RAB28: variants seen among roughly 807,000 people sequenced by gnomAD.
RAB28 encodes RAB28, member RAS oncogene family.
Under a neutral mutation model 31.7 loss-of-function variants are expected in RAB28, and 24 were observed. That is an observed-to-expected ratio of 0.76 (90% CI 0.55 to 1.06). The LOEUF (loss-of-function observed/expected upper bound fraction) is 1.06, where lower values mean the gene tolerates loss of function less well. Ranked by LOEUF, RAB28 falls within the 50% of genes least tolerant of loss-of-function variation. The pLI is 0.00. For synonymous variants in RAB28, 100 were observed against 90.4 expected (o/e 1.11, Z -0.60); for missense variants, 254 against 258.5 (o/e 0.98, Z 0.12).
chr4:13,392,416 T>C (rs959951705), intron 4 of RAB28, among the ~76,000 whole-genome samples: 4 of 152,208 alleles, frequency 2.6e-5, no homozygotes, highest in Non-Finnish European at 5.9e-5. Flanking sequence ...AGATGATAGA[T>C]TATATACAAG....
At chr4:13,414,519 T>C (rs1029962369) in intron 4 of RAB28, among the ~76,000 whole-genome samples, 2 of 152,238 alleles carry the variant, frequency 1.3e-5, no homozygotes, top group Non-Finnish European at 2.9e-5. Flanking sequence ...AAATAAGTTA[T>C]ACCATACCTT....
chr4:13,408,461 G>T (rs1712229936), intron 4 of RAB28, among the ~76,000 whole-genome samples: 1 of 152,128 alleles, frequency 6.6e-6, no homozygotes. Flanking sequence ...AGGGATATTG[G>T]CTTGAAATTT....
At chr4:13,396,157 ACTGT>A (rs1449123505) in intron 4 of RAB28, among the ~76,000 whole-genome samples, 1 of 152,050 alleles carries the variant, frequency 6.6e-6, no homozygotes, top group Non-Finnish European at 1.5e-5. Context: ...AAAAAATGTC[ACTGT>A]CTAACTTAAA....
At chr4:13,477,647 T>TA (rs60423648) in intron 2 of RAB28, among the ~76,000 whole-genome samples, 385 of 148,052 alleles carry the variant, frequency 2.6e-3, no homozygotes, top group Admixed American at 4.4e-3. Context: ...CCAACTGCCT[T>TA]AAAAAAAAAA....
At chr4:13,454,833 A>G (rs1715208894) in intron 4 of RAB28, among the ~76,000 whole-genome samples, 1 of 152,082 alleles carries the variant, frequency 6.6e-6, no homozygotes, top group African/African-American at 2.4e-5. Flanking sequence ...GACTGTTTCT[A>G]AGGTCCAGTA....
chr4:13,471,369 A>T (rs1212458056), intron 3 of RAB28, among the ~76,000 whole-genome samples: 1 of 152,144 alleles, frequency 6.6e-6, no homozygotes, highest in Non-Finnish European at 1.5e-5. Context: ...AATGAGTCAC[A>T]GCTTCTCTAG....
chr4:13,400,544 T>A (rs1363007783), intron 4 of RAB28, among the ~76,000 whole-genome samples: 1 of 152,134 alleles, frequency 6.6e-6, no homozygotes, highest in Admixed American at 6.5e-5. Flanking sequence ...TTTGTATGTT[T>A]TATATACCTT....
intron 4 of RAB28, among the ~76,000 whole-genome samples, chr4:13,424,427 C>T (rs1337775166): frequency 6.6e-6 from 1 of 152,188 alleles, no homozygotes. Flanking sequence ...GTGTCTGGGT[C>T]TCAGCCAAAA....
At chr4:13,372,636 A>G (rs1728760394) in intron 6 of RAB28, among the ~76,000 whole-genome samples, 1 of 152,126 alleles carries the variant, frequency 6.6e-6, no homozygotes, top group Non-Finnish European at 1.5e-5. Context: ...CCCCCTCAAG[A>G]AAACAAGTGG....
chr4:13,431,761 T>C (rs1713817366), intron 4 of RAB28, among the ~76,000 whole-genome samples: 1 of 151,618 alleles, frequency 6.6e-6, no homozygotes, highest in South Asian at 2.1e-4. Context: ...ACTACAGTAA[T>C]ACCCTCAAGG....
intron 4 of RAB28, among the ~76,000 whole-genome samples, chr4:13,384,706 A>G (rs904306107): frequency 2.0e-5 from 3 of 152,290 alleles, no homozygotes; most frequent in Middle Eastern, 3.4e-3. Flanking sequence ...TAAAAGAAAA[A>G]AAGTCCAAAG....
intron 6 of RAB28, chr4:13,371,553 GA>G: frequency 2.0e-6 from 2 of 984,884 alleles, no homozygotes; most frequent in Non-Finnish European, 2.4e-6. Context: ...TCAAATTAAT[GA>G]AGAATTAACA....
At chr4:13,458,671 C>T (rs1715433970) in intron 4 of RAB28, among the ~76,000 whole-genome samples, 2 of 152,066 alleles carry the variant, frequency 1.3e-5, no homozygotes, top group Admixed American at 6.5e-5. Flanking sequence ...GATGGTGGTC[C>T]CATAAGATTA....
At chr4:13,476,303 T>G (rs28451763) in intron 2 of RAB28, among the ~76,000 whole-genome samples, 1 of 151,488 alleles carries the variant, frequency 6.6e-6, no homozygotes, top group Non-Finnish European at 1.5e-5. Context: ...AAGAGGTTCA[T>G]AGTCATGTGT....
Position 13,406,833 on chromosome 4 carries a change from C to T in RAB28, c.392-25239G>A, listed in dbSNP as rs189297876. Among the ~76,000 whole-genome samples the T allele has an allele frequency of 9.7e-3, 1,483 of 152,266 alleles. 26 individuals are homozygous for T. Among genetic ancestry groups the T allele is most frequent in the African/African-American group, 0.034 (1,401 of 41,550 alleles). ...AGTGTCTGTTTATATCCTTTGCCCACTTTTTGATGGGGTTGTTTTTTTCTT... is the reference window on the plus strand; with the variant it reads ...AGTGTCTGTTTATATCCTTTGCCCATTTTTTGATGGGGTTGTTTTTTTCTT... On this transcript the variant is annotated intron_variant, in intron 4 of 6. Coordinates refer to ENST00000330852, the MANE Select transcript of RAB28 (RefSeq NM_001017979.3).
chr4:13,417,699 T>C (rs1712874074), intron 4 of RAB28, among the ~76,000 whole-genome samples: 1 of 152,010 alleles, frequency 6.6e-6, no homozygotes, highest in Non-Finnish European at 1.5e-5. Context: ...AGGAACAGCA[T>C]CAACATCAAC....
intron 2 of RAB28, among the ~76,000 whole-genome samples, chr4:13,477,081 G>C (rs145933496): frequency 2.0e-3 from 302 of 151,524 alleles, no homozygotes; most frequent in African/African-American, 6.9e-3. Context: ...TTTCACAGTA[G>C]AACGCTGTTT....
intron 3 of RAB28, among the ~76,000 whole-genome samples, chr4:13,469,239 A>C (rs1459266076): frequency 6.6e-6 from 1 of 152,000 alleles, no homozygotes; most frequent in Non-Finnish European, 1.5e-5. Context: ...CCTGGATCTA[A>C]TTTTCTTGGC....
At chr4:13,430,564 C>T (rs1713757040) in intron 4 of RAB28, among the ~76,000 whole-genome samples, 1 of 152,172 alleles carries the variant, frequency 6.6e-6, no homozygotes, top group African/African-American at 2.4e-5. Context: ...AATGGAGAAC[C>T]AGGTGACCAG....
Sources: allele counts gnomAD v4.1 joint callset (sites outside exome capture counted in the v4.1 genomes callset), GRCh38; gene constraint gnomAD v4.1.1; transcripts MANE v1.5; gene names NCBI Gene and HGNC (gene_info 2026-07-23, HGNC 2026-07-21).